MAP3K19: variants seen among roughly 807,000 people sequenced by gnomAD.
MAP3K19 encodes SPS1/STE20-related protein kinase YSK4.
Under a neutral mutation model 114.4 loss-of-function variants are expected in MAP3K19, and 91 were observed. The ratio of observed to expected loss-of-function variants is 0.80; its 90% CI spans 0.67 to 0.95. The LOEUF (loss-of-function observed/expected upper bound fraction) is 0.95. Ranked by LOEUF, MAP3K19 falls within the 40% of genes least tolerant of loss-of-function variation. The probability of loss-of-function intolerance (pLI) is 0.00; values close to 1 mark genes in which losing one functional copy is unlikely to be tolerated. For missense variants in MAP3K19, 1,471 were observed against 1,573.2 expected (o/e 0.94, Z 1.10); for synonymous variants, 518 against 530.5 (o/e 0.98, Z 0.32).
intron 5 of MAP3K19, among the ~76,000 whole-genome samples, chr2:135,007,023 G>C (rs1381754124): frequency 6.6e-6 from 1 of 151,858 alleles, no homozygotes; most frequent in African/African-American, 2.4e-5. Flanking sequence ...AATTAGCCAG[G>C]CATGGTGGCA....
chr2:134,992,215 T>A (rs1472631787), intron 8 of MAP3K19, among the ~76,000 whole-genome samples: 3 of 152,190 alleles, frequency 2.0e-5, no homozygotes, highest in African/African-American at 4.8e-5. Flanking sequence ...AGTTTCCTAG[T>A]GTTTTTTGCT....
intron 2 of MAP3K19, among the ~76,000 whole-genome samples, chr2:135,036,072 G>T (rs1348448784): frequency 6.6e-6 from 1 of 152,070 alleles, no homozygotes; most frequent in African/African-American, 2.4e-5. Context: ...AACCTCAAGT[G>T]ATCCGCCCGC....
chr2:135,039,341 G>T (rs1688600164), intron 2 of MAP3K19, among the ~76,000 whole-genome samples: 1 of 151,914 alleles, frequency 6.6e-6, no homozygotes, highest in South Asian at 2.1e-4. Flanking sequence ...CCAGCACTTT[G>T]TGAGGCTGAG....
chr2:134,974,511 C>T (rs184125550), intron 12 of MAP3K19, among the ~76,000 whole-genome samples: 80 of 152,314 alleles, frequency 5.3e-4, no homozygotes, highest in African/African-American at 1.9e-3. Flanking sequence ...TTGTGGATCT[C>T]TTAGCTTCCT....
At position 135,036,999 on chromosome 2, in the gene MAP3K19, CTT is replaced by C. The variant is rs10617799; in HGVS notation, c.-284+3362_-284+3363del. On this transcript the variant is annotated intron_variant, in intron 2 of 12. Coordinates refer to ENST00000392915, the MANE Select transcript of MAP3K19 (RefSeq NM_025052.5). ...AGTGAGGATAAACCAGTAAAACATT[CTT>C]TTTTTTTTTTTTTAAGACAGAATCT... Among the ~76,000 whole-genome samples the C allele has an allele frequency of 1.8e-3, 257 of 144,488 alleles. 2 individuals carry two copies. The highest frequency in any genetic ancestry group is 7.2e-3 in the Middle Eastern group (2 of 276). 94.8% of individuals were successfully genotyped at this position (144,488 alleles called of 152,430 possible).
chr2:134,994,568 ACAC>A (rs1685849102), intron 8 of MAP3K19, among the ~76,000 whole-genome samples: 1 of 152,218 alleles, frequency 6.6e-6, no homozygotes, highest in Non-Finnish European at 1.5e-5. Context: ...AAGAGTCTAC[ACAC>A]TGAAATATGA....
intron 12 of MAP3K19, among the ~76,000 whole-genome samples, chr2:134,970,601 T>TTC (rs779658427): frequency 2.7e-5 from 4 of 147,122 alleles, no homozygotes; most frequent in East Asian, 2.0e-4. Context: ...ATGCCTTTTT[T>TTC]TTTTTTTTTT....
At chr2:135,036,680 T>TGTGTGTGA (rs1688537551) in intron 2 of MAP3K19, among the ~76,000 whole-genome samples, 1 of 141,386 alleles carries the variant, frequency 7.1e-6, no homozygotes, top group African/African-American at 2.7e-5. Context: ...TGTGTGTGTG[T>TGTGTGTGA]GATATGTGCT....
intron 12 of MAP3K19, among the ~76,000 whole-genome samples, chr2:134,979,021 C>G (rs183901908): frequency 4.9e-4 from 75 of 152,294 alleles, no homozygotes; most frequent in African/African-American, 1.8e-3. Flanking sequence ...AAGTTCATTT[C>G]TGTTTTCTTT....
At chr2:134,969,151 C>T (rs929383671) in intron 12 of MAP3K19, among the ~76,000 whole-genome samples, 1 of 151,332 alleles carries the variant, frequency 6.6e-6, no homozygotes, top group African/African-American at 2.4e-5. Context: ...AGCTGGAGAC[C>T]GGCCCAGCCA....
chr2:134,973,416 A>G (rs1684009341), intron 12 of MAP3K19, among the ~76,000 whole-genome samples: 1 of 152,136 alleles, frequency 6.6e-6, no homozygotes, highest in South Asian at 2.1e-4. Flanking sequence ...AGTGTGTTTT[A>G]TCTGATATGA....
At chr2:134,988,342 A>G (rs1685325561) in intron 9 of MAP3K19, 89 bp from the exon 10 acceptor site, 2 of 1,129,560 alleles carry the variant, frequency 1.8e-6, no homozygotes, top group Non-Finnish European at 2.4e-6. Context: ...AGATTATAAT[A>G]TCCTCTTAAG....
intron 6 of MAP3K19, 40 bp from the exon 7 acceptor site, chr2:135,000,055 T>C (rs751071986): frequency 6.7e-6 from 9 of 1,340,090 alleles, no homozygotes; most frequent in Middle Eastern, 1.8e-4. Flanking sequence ...AAGAAAGTAA[T>C]GAATTCCAGC....
intron 3 of MAP3K19, among the ~76,000 whole-genome samples, chr2:135,028,017 C>A (rs576820051): frequency 6.6e-6 from 1 of 152,242 alleles, no homozygotes; most frequent in South Asian, 2.1e-4. Flanking sequence ...TGTATTTATA[C>A]AAAAAACTAT....
intron 2 of MAP3K19, among the ~76,000 whole-genome samples, chr2:135,031,253 T>C (rs1363302594): frequency 6.6e-6 from 1 of 151,980 alleles, no homozygotes; most frequent in Non-Finnish European, 1.5e-5. Context: ...ACAAAATCTA[T>C]TAAGATATCT....
chr2:135,013,479 A>G (rs1687379517), intron 5 of MAP3K19, among the ~76,000 whole-genome samples: 1 of 152,128 alleles, frequency 6.6e-6, no homozygotes, highest in Admixed American at 6.5e-5. Context: ...CTGGTGTTGT[A>G]CATTCTATGG....
intron 3 of MAP3K19, among the ~76,000 whole-genome samples, chr2:135,027,337 GAA>G (rs1688279582): frequency 7.9e-6 from 1 of 127,064 alleles, no homozygotes; most frequent in African/African-American, 3.3e-5. Context: ...AATAAAGAAA[GAA>G]AGAAAGAAAG....
At chr2:135,006,922 A>G (rs1686857161) in intron 5 of MAP3K19, among the ~76,000 whole-genome samples, 1 of 152,074 alleles carries the variant, frequency 6.6e-6, no homozygotes, top group Non-Finnish European at 1.5e-5. Flanking sequence ...TCACACCTAT[A>G]ATCCTAGCAC....
chr2:135,029,557 C>G (rs536940409), intron 3 of MAP3K19, among the ~76,000 whole-genome samples: 1 of 152,288 alleles, frequency 6.6e-6, no homozygotes, highest in South Asian at 2.1e-4. Context: ...TTTGTTATAT[C>G]TCTTCTTGAA....
Sources: gnomAD v4.1 joint callset for allele counts (sites outside exome capture counted in the v4.1 genomes callset) on GRCh38, gnomAD v4.1.1 for gene constraint, MANE v1.5 for transcripts, NCBI Gene and HGNC (gene_info 2026-07-23, HGNC 2026-07-21) for gene names.